CCSER1: variants seen among roughly 807,000 people sequenced by gnomAD.
CCSER1 encodes the protein coiled-coil serine rich protein 1.
A neutral mutation model predicts 82.0 loss-of-function variants in CCSER1; 41 were observed. That is an observed-to-expected ratio of 0.50 (90% CI 0.39 to 0.65). CCSER1 has a LOEUF of 0.65. CCSER1 is among the 30% of genes least tolerant of loss of function. The probability of loss-of-function intolerance (pLI) is 0.00; values close to 1 mark genes in which losing one functional copy is unlikely to be tolerated. For synonymous variants in CCSER1, 414 were observed against 383.9 expected, an observed-to-expected ratio of 1.08 and a Z score of -0.92; for missense variants, 1,119 against 1,064.2, an observed-to-expected ratio of 1.05 and a Z score of -0.72.
intron 6 of CCSER1, among the ~76,000 whole-genome samples, chr4:90,645,077 C>T (rs566227790): frequency 9.5e-4 from 139 of 146,176 alleles, no homozygotes; most frequent in African/African-American, 3.1e-3. Context: ...AGTAAAACTC[C>T]GTCTAAAAAA....
chr4:91,000,344 A>C (rs1052786419), intron 9 of CCSER1, among the ~76,000 whole-genome samples: 2 of 152,088 alleles, frequency 1.3e-5, no homozygotes, highest in African/African-American at 4.8e-5. Flanking sequence ...TATAGGTTGA[A>C]ATTGGGTAAT....
chr4:91,376,254 T>C (rs561614291), intron 10 of CCSER1, among the ~76,000 whole-genome samples: 2 of 152,308 alleles, frequency 1.3e-5, no homozygotes, highest in East Asian at 3.9e-4. Flanking sequence ...ATTGCATCAT[T>C]GTACAAGCAA....
At chr4:90,632,305 G>A (rs1724596414) in intron 6 of CCSER1, among the ~76,000 whole-genome samples, 1 of 151,880 alleles carries the variant, frequency 6.6e-6, no homozygotes, top group Non-Finnish European at 1.5e-5. Flanking sequence ...GTCATTAACT[G>A]TAATTGCATT....
At chr4:90,316,358 A>G (rs1011703327) in intron 3 of CCSER1, among the ~76,000 whole-genome samples, 1 of 152,182 alleles carries the variant, frequency 6.6e-6, no homozygotes, top group Non-Finnish European at 1.5e-5. Context: ...TGTTTGCATC[A>G]ATTTGGTGTA....
chr4:90,655,923 G>A (rs1399410), intron 6 of CCSER1, among the ~76,000 whole-genome samples: 126,222 of 151,770 alleles, frequency 0.83, 52,500 homozygotes, highest in East Asian at 0.91. Context: ...CAGAATACGT[G>A]TGGCAAGATA....
At chr4:91,016,200 T>C (rs1384189088) in intron 9 of CCSER1, among the ~76,000 whole-genome samples, 1 of 152,030 alleles carries the variant, frequency 6.6e-6, no homozygotes, top group Non-Finnish European at 1.5e-5. Flanking sequence ...CTAAGTTTTA[T>C]AAACGTACTT....
chr4:90,419,016 A>G (rs1756250715), intron 4 of CCSER1, among the ~76,000 whole-genome samples: 1 of 152,032 alleles, frequency 6.6e-6, no homozygotes, highest in Non-Finnish European at 1.5e-5. Flanking sequence ...TTATTTGTGC[A>G]TGATTACAGA....
intron 6 of CCSER1, among the ~76,000 whole-genome samples, chr4:90,661,433 T>C (rs558036212): frequency 6.6e-6 from 1 of 152,260 alleles, no homozygotes; most frequent in South Asian, 2.1e-4. Context: ...TATTTATATA[T>C]ATGCTACTAG....
chr4:90,912,742 A>G lies in CCSER1; in HGVS notation c.2095-10628A>G, dbSNP rs957106429. Among the ~76,000 whole-genome samples, 3 of 152,194 alleles carry G rather than the reference A, an allele frequency of 2.0e-5. No individual in the cohort carries two copies. The South Asian group carries it at 6.2e-4, about 31-fold the overall frequency. On this transcript the variant is annotated intron_variant, in intron 8 of 10. Transcript: ENST00000509176. Reference sequence around the variant, plus strand: ...GGCAAAGAAGTTAAAAACCTTGAAAAAAGATTAGACGAATGGCTAACTAGA... The same window carrying G: ...GGCAAAGAAGTTAAAAACCTTGAAAGAAGATTAGACGAATGGCTAACTAGA...
intron 9 of CCSER1, among the ~76,000 whole-genome samples, chr4:91,019,304 C>T (rs1739711384): frequency 6.6e-6 from 1 of 151,824 alleles, no homozygotes; most frequent in Non-Finnish European, 1.5e-5. Context: ...GGGCTACTTT[C>T]AAATTTCAAA....
chr4:90,129,216 G>C (rs1411209918), intron 1 of CCSER1, among the ~76,000 whole-genome samples: 1 of 151,812 alleles, frequency 6.6e-6, no homozygotes, highest in Non-Finnish European at 1.5e-5. Flanking sequence ...AACAGCCTTA[G>C]GGAAAACGGA....
intron 3 of CCSER1, among the ~76,000 whole-genome samples, chr4:90,372,077 T>C (rs1246154594): frequency 6.6e-6 from 1 of 152,186 alleles, no homozygotes; most frequent in Non-Finnish European, 1.5e-5. Context: ...ACTCTGTGGA[T>C]ATGCTTGTTT....
At chr4:91,115,155 A>G (rs1226470457) in intron 10 of CCSER1, among the ~76,000 whole-genome samples, 2 of 152,204 alleles carry the variant, frequency 1.3e-5, no homozygotes, top group African/African-American at 4.8e-5. Context: ...TGTTATTTCT[A>G]CAAAGGGATG....
intron 1 of CCSER1, among the ~76,000 whole-genome samples, chr4:90,154,912 C>T (rs1248910864): frequency 6.6e-6 from 1 of 152,052 alleles, no homozygotes; most frequent in African/African-American, 2.4e-5. Flanking sequence ...ACTTCCAACA[C>T]TATGTTGAAT....
intron 3 of CCSER1, among the ~76,000 whole-genome samples, chr4:90,367,150 CAA>C (rs1338206281): frequency 1.3e-5 from 2 of 151,624 alleles, no homozygotes; most frequent in African/African-American, 2.4e-5. Flanking sequence ...AGCAAAAAGA[CAA>C]GAGACGGTAA....
chr4:90,592,024 G>T (rs545697135), intron 5 of CCSER1, among the ~76,000 whole-genome samples: 1 of 152,108 alleles, frequency 6.6e-6, no homozygotes, highest in African/African-American at 2.4e-5. Flanking sequence ...TTACACACGG[G>T]GGTCTGTCGC....
intron 3 of CCSER1, among the ~76,000 whole-genome samples, chr4:90,316,698 A>G (rs937571082): frequency 3.3e-5 from 5 of 152,136 alleles, no homozygotes; most frequent in Admixed American, 1.3e-4. Context: ...ATATGGCTCT[A>G]TTTATTAAGA....
chr4:90,907,381 G>A (rs1296273035), intron 8 of CCSER1, among the ~76,000 whole-genome samples: 1 of 151,922 alleles, frequency 6.6e-6, no homozygotes, highest in Non-Finnish European at 1.5e-5. Flanking sequence ...GGAATGTTTG[G>A]GACTTGATGT....
rs183368150 is a variant in CCSER1 at position 90,914,603 on chromosome 4, A to G, written c.2095-8767A>G. ...AAAAGAACTAGAGAAGCAAGAGCAA[A>G]CACATTCAAAGCGAGCAGAAGGCAA... is the stretch of plus-strand genomic sequence containing the variant. On this transcript the variant is annotated intron_variant, in intron 8 of 10. Transcript: ENST00000509176. Among the ~76,000 whole-genome samples the G allele has an allele frequency of 6.4e-4, 98 of 152,226 alleles. 1 individual carries two copies. The highest frequency in any genetic ancestry group is 2.2e-3 in the African/African-American group (90 of 41,532).
Sources: allele counts gnomAD v4.1 joint callset (sites outside exome capture counted in the v4.1 genomes callset), GRCh38; gene constraint gnomAD v4.1.1; transcripts MANE v1.5; gene names NCBI Gene and HGNC (gene_info 2026-07-23, HGNC 2026-07-21).